NDUFAF2: variants seen among roughly 807,000 people sequenced by gnomAD.
The protein encoded by NDUFAF2 is NADH:ubiquinone oxidoreductase complex assembly factor 2.
NDUFAF2 carries 13 observed loss-of-function variants against 22.8 expected under a neutral mutation model. The observed-to-expected ratio is 0.57, with a 90% confidence interval of 0.37 to 0.91. NDUFAF2 has a LOEUF of 0.91. Among genes scored for constraint, NDUFAF2 ranks in the 40% least tolerant of loss-of-function variants. NDUFAF2 has a pLI of 0.01. For missense variants in NDUFAF2, 162 were observed against 195.2 expected (o/e 0.83, Z 1.01); for synonymous variants, 53 against 64.2 (o/e 0.83, Z 0.84).
intron 1 of NDUFAF2, among the ~76,000 whole-genome samples, chr5:60,953,450 C>G (rs776511365): frequency 1.1e-4 from 17 of 152,054 alleles, no homozygotes; most frequent in Non-Finnish European, 1.9e-4. Context: ...ACACAGAGAC[C>G]ATAATTCCCT....
chr5:60,991,657 T>A (rs1751159755), intron 1 of NDUFAF2, among the ~76,000 whole-genome samples: 1 of 152,192 alleles, frequency 6.6e-6, no homozygotes, highest in African/African-American at 2.4e-5. Context: ...TGGCTGAATG[T>A]ATCCATTGTG....
At position 61,099,063 on chromosome 5, in the gene NDUFAF2, G is replaced by T. The variant is rs761395697; in HGVS notation, c.258+31G>T. On this transcript the variant is annotated intron_variant, in intron 3 of 3. Transcript: ENST00000296597. ...ACTACACAAGGAGGATATCATTTAG[G>T]AGTATATATTCCCAAGGATATACGA... 2.0e-6 allele frequency: 3 copies of T among 1,526,448 alleles called. No homozygotes were observed. The South Asian group carries it at 3.6e-5, about 18-fold the overall frequency. The allele number at this position is 1,526,448 out of a possible 1,614,324, so 94.6% of individuals were successfully genotyped here. A position where few individuals can be genotyped will look rare whatever the true frequency, so the allele number is the denominator to read the frequency against.
chr5:61,131,733 C>T (rs989443228), intron 3 of NDUFAF2, among the ~76,000 whole-genome samples: 11 of 151,728 alleles, frequency 7.2e-5, no homozygotes, highest in Non-Finnish European at 1.2e-4. Context: ...GAATAGTATT[C>T]GTAGTATATA....
At chr5:61,102,796 A>C (rs545042359) in intron 3 of NDUFAF2, among the ~76,000 whole-genome samples, 1 of 150,430 alleles carries the variant, frequency 6.6e-6, no homozygotes, top group Admixed American at 6.7e-5. Flanking sequence ...CAGTGTTATA[A>C]AAAAGAAGCT....
At chr5:60,990,724 T>G (rs1460062058) in intron 1 of NDUFAF2, among the ~76,000 whole-genome samples, 2 of 152,218 alleles carry the variant, frequency 1.3e-5, no homozygotes, top group Non-Finnish European at 2.9e-5. Flanking sequence ...AAATATGTTT[T>G]AACTCCAATT....
intron 1 of NDUFAF2, among the ~76,000 whole-genome samples, chr5:61,067,650 T>C (rs1752247524): frequency 6.6e-6 from 1 of 152,266 alleles, no homozygotes; most frequent in East Asian, 1.9e-4. Context: ...AGCAGCATTA[T>C]TTGTAGTCCT....
chr5:61,060,769 A>G (rs1752155266), intron 1 of NDUFAF2, among the ~76,000 whole-genome samples: 1 of 152,182 alleles, frequency 6.6e-6, no homozygotes, highest in Non-Finnish European at 1.5e-5. Context: ...GAAGTAGACA[A>G]CTGGTTGAAA....
intron 3 of NDUFAF2, among the ~76,000 whole-genome samples, chr5:61,113,162 C>T (rs1752866917): frequency 6.6e-6 from 1 of 152,070 alleles, no homozygotes; most frequent in Non-Finnish European, 1.5e-5. Context: ...TCTTTCTCCT[C>T]ATCATATGAA....
At chr5:61,126,441 G>A (rs986323087) in intron 3 of NDUFAF2, among the ~76,000 whole-genome samples, 5 of 151,864 alleles carry the variant, frequency 3.3e-5, no homozygotes, top group Non-Finnish European at 5.9e-5. Context: ...ATTGTATGAC[G>A]GATTAGCACC....
chr5:60,961,594 CAAAA>C (rs36041608), intron 1 of NDUFAF2, among the ~76,000 whole-genome samples: 3 of 56,690 alleles, frequency 5.3e-5, no homozygotes, highest in African/African-American at 1.6e-4. Context: ...GACTCTGTCT[CAAAA>C]AAAAAAAAAA....
chr5:61,147,437 C>CTTTTTTTTTTT lies in NDUFAF2; in HGVS notation c.259-5260_259-5250dup, dbSNP rs1240336890. On this transcript the variant is annotated intron_variant, in intron 3 of 3. Transcript: ENST00000296597. ...CTAATTTTTGTATTTTTTTTTCTTT[C>CTTTTTTTTTTT]TTTTTTTTTTTTTTTTTGTAGCAAC... is the stretch of plus-strand genomic sequence containing the variant. Among the ~76,000 whole-genome samples, 637 of 84,686 alleles carry CTTTTTTTTTTT rather than the reference C, an allele frequency of 7.5e-3. 61 individuals carry two copies. The highest frequency in any genetic ancestry group is 0.023 in the African/African-American group (560 of 24,238). The allele number at this position is 84,686 out of a possible 152,430, so 55.6% of individuals were successfully genotyped here. A position where few individuals can be genotyped will look rare whatever the true frequency, so the allele number is the denominator to read the frequency against.
rs118085925 is a variant in NDUFAF2, at chr5:60,955,668, C to T, written c.127+10286C>T. Among the ~76,000 whole-genome samples the T allele has an allele frequency of 4.7e-4, 72 of 152,216 alleles. 1 individual carries two copies. The East Asian group carries it at 0.014, about 29-fold the overall frequency. ...TGTAGATTGCTTTGGGTAGTATGAG[C>T]ACTTTAACAATATTAATTCTTCCAG... is the stretch of plus-strand genomic sequence containing the variant. On this transcript the variant is annotated intron_variant, in intron 1 of 3. Coordinates refer to ENST00000296597, the MANE Select transcript of NDUFAF2 (RefSeq NM_174889.5).
At chr5:61,130,736 G>C (rs1354657384) in intron 3 of NDUFAF2, among the ~76,000 whole-genome samples, 3 of 152,080 alleles carry the variant, frequency 2.0e-5, no homozygotes, top group Non-Finnish European at 4.4e-5. Context: ...GCCCCAAAAA[G>C]GAAGACTCTA....
At chr5:61,147,256 CTT>C (rs147027550) in intron 3 of NDUFAF2, among the ~76,000 whole-genome samples, 1 of 144,940 alleles carries the variant, frequency 6.9e-6, no homozygotes, top group Non-Finnish European at 1.5e-5. Context: ...CTTTTGGAAG[CTT>C]TTTTTTTTGA....
chr5:61,112,023 C>G (rs894199092), intron 3 of NDUFAF2, among the ~76,000 whole-genome samples: 3 of 152,056 alleles, frequency 2.0e-5, no homozygotes, highest in African/African-American at 7.2e-5. Flanking sequence ...TCCCAAAGAC[C>G]TGGGATTACA....
intron 1 of NDUFAF2, among the ~76,000 whole-genome samples, chr5:61,057,299 A>G (rs1045551185): frequency 5.9e-5 from 9 of 152,184 alleles, no homozygotes; most frequent in African/African-American, 1.9e-4. Flanking sequence ...CAGCTGAAGT[A>G]GGCTTTACAT....
rs1212266691 is a variant in NDUFAF2, at chr5:61,113,360, CTTTG to C, written c.258+14332_258+14335del. Among the ~76,000 whole-genome samples the C allele has an allele frequency of 2.6e-5, 4 of 152,030 alleles. No homozygotes were observed. The East Asian group carries it at 7.7e-4, about 29-fold the overall frequency. On this transcript the variant is annotated intron_variant, in intron 3 of 3. Transcript: ENST00000296597. The stretch of plus-strand genomic sequence containing the variant: ...GAGGTCTGGTGTTGAAATTTCTTAG[CTTTG>C]TTTATTTTGTAAAGTCTTTATTTCT...
chr5:60,985,344 A>G lies in NDUFAF2; in HGVS notation c.127+39962A>G, dbSNP rs574405495. The stretch of plus-strand genomic sequence containing the variant: ...ATTTTGTTGATCTTTTCAGAAAACC[A>G]ACTCCTGGATTCATTGATTTTTTGA... On this transcript the variant is annotated intron_variant, in intron 1 of 3. Coordinates refer to ENST00000296597, the MANE Select transcript of NDUFAF2 (RefSeq NM_174889.5). 2.0e-5 allele frequency among the ~76,000 whole-genome samples: 3 copies of G among 152,228 alleles called. No individual in the cohort carries two copies. In the South Asian group the frequency reaches 6.2e-4, roughly 32 times the overall value.
At chr5:60,981,066 G>C (rs889714337) in intron 1 of NDUFAF2, among the ~76,000 whole-genome samples, 11 of 152,140 alleles carry the variant, frequency 7.2e-5, no homozygotes, top group Admixed American at 7.2e-4. Flanking sequence ...AAAGTTATCA[G>C]TATTTAAGTA....
Sources: gnomAD v4.1 joint callset for allele counts (sites outside exome capture counted in the v4.1 genomes callset) on GRCh38, gnomAD v4.1.1 for gene constraint, MANE v1.5 for transcripts, NCBI Gene and HGNC (gene_info 2026-07-23, HGNC 2026-07-21) for gene names.